The following SLC25A29 variants were observed in gnomAD, a reference collection of about 807,000 sequenced individuals.
SLC25A29 encodes solute carrier family 25 member 29.
Under a neutral mutation model 10.0 loss-of-function variants are expected in SLC25A29, and 13 were observed. That is an observed-to-expected ratio of 1.30 (90% confidence interval 0.85 to 2.07). The LOEUF is 2.07. Ranked by LOEUF, SLC25A29 falls within the 30% of genes most tolerant of loss-of-function variation. The pLI is 0.00. For synonymous variants in SLC25A29, 244 were observed against 221.1 expected (o/e 1.10, Z -0.92); for missense variants, 475 against 447.6 (o/e 1.06, Z -0.55).
intron 2 of SLC25A29, 161 bp from the exon 3 acceptor site, chr14:100,293,538 A>G (rs558189299): frequency 6.8e-5 from 42 of 618,910 alleles, no homozygotes; most frequent in Non-Finnish European, 1.2e-4. Context: ...CCGGGTATCT[A>G]TGCCTTCTCA....
chr14:100,295,498 C>A, intron 2 of SLC25A29: 1 of 1,115,810 alleles, frequency 9.0e-7, no homozygotes, highest in Non-Finnish European at 1.2e-6. Context: ...ACCCCAGGAC[C>A]TGTGCTGAGC....
chr14:100,285,304 C>T, the SLC25A29 span, among the ~76,000 whole-genome samples: 1 of 147,714 alleles, frequency 6.8e-6, no homozygotes, highest in Admixed American at 6.7e-5. Flanking sequence ...CCCTTCCCTG[C>T]CACCCTGCAG....
At position 100,292,432 on chromosome 14, in the gene SLC25A29, G is replaced by A; in HGVS notation, c.763C>T (p.Leu255=). Residue 255 remains leucine (L), a synonymous_variant, in exon 4 of 4, where the codon CTG becomes TTG. Transcript: ENST00000359232. ...RVFTRGLAST[L]LRAFPVNAAT... ...GCGTTGACGGGGAAGGCGCGCAGCA[G>A]CGTGGACGCCAGCCCCCGTGTGAAG... 2 of 1,579,458 alleles carry A rather than the reference G, an allele frequency of 1.3e-6. No individual in the cohort carries two copies. The highest frequency in any genetic ancestry group is 1.7e-6 in the Non-Finnish European group (2 of 1,165,240).
At chr14:100,290,014 A>G (rs1891629130), downstream of SLC25A29, among the ~76,000 whole-genome samples, 1 of 151,724 alleles carries the variant, frequency 6.6e-6, no homozygotes, top group Admixed American at 6.6e-5. Flanking sequence ...TTGCCGCACC[A>G]CTCCTCACTT....
chr14:100,303,161 A>G (rs1352204541), intron 1 of SLC25A29, among the ~76,000 whole-genome samples: 2 of 152,170 alleles, frequency 1.3e-5, no homozygotes, highest in Non-Finnish European at 2.9e-5. Flanking sequence ...TTTCCACTTC[A>G]GCTTTTTAAT....
the SLC25A29 span, chr14:100,281,113 C>T: frequency 1.3e-5 from 2 of 150,426 alleles, no homozygotes; most frequent in African/African-American, 4.9e-5. Flanking sequence ...CTACCCACCT[C>T]CCCCCACCCC....
At position 100,298,463 on chromosome 14, in the gene SLC25A29, C is replaced by G. The variant is rs552859313; in HGVS notation, c.78+379G>C. 222 of 322,350 alleles carry G rather than the reference C, an allele frequency of 6.9e-4. No homozygotes were observed. In the Middle Eastern group the frequency reaches 8.8e-3, roughly 13 times the overall value. 20.0% of individuals were successfully genotyped at this position (322,350 alleles called of 1,614,324 possible). Reference sequence around the variant, plus strand: ...TTCTCTGTAAGGATGATCACCACTCCGTGAAGATCATGTTCATGGGAGATA... The same window carrying G: ...TTCTCTGTAAGGATGATCACCACTCGGTGAAGATCATGTTCATGGGAGATA... On this transcript the variant is annotated intron_variant, in intron 2 of 3. Transcript: ENST00000359232.
downstream of SLC25A29, among the ~76,000 whole-genome samples, chr14:100,288,417 G>T: frequency 6.9e-6 from 1 of 144,264 alleles, no homozygotes. Context: ...GACAGTTTGG[G>T]AAGCTGTTTT....
the SLC25A29 span, among the ~76,000 whole-genome samples, chr14:100,286,050 C>A: frequency 6.6e-6 from 1 of 152,128 alleles, no homozygotes; most frequent in African/African-American, 2.4e-5. Context: ...CCACTCCGGC[C>A]GCCCCAGCCC....
intron 2 of SLC25A29, chr14:100,295,711 T>TA: frequency 2.3e-6 from 3 of 1,289,332 alleles, no homozygotes; most frequent in Non-Finnish European, 2.0e-6. Context: ...GCTCAGAAAG[T>TA]AAAGGCGGTT....
downstream of SLC25A29, among the ~76,000 whole-genome samples, chr14:100,289,238 G>T (rs1209925899): frequency 6.6e-6 from 1 of 152,214 alleles, no homozygotes; most frequent in Non-Finnish European, 1.5e-5. Context: ...CACAGTGTGT[G>T]GTGTTTTGTT....
At chr14:100,279,464 A>T in the SLC25A29 span, 20 of 152,252 alleles carry the variant, frequency 1.3e-4, no homozygotes, top group Middle Eastern at 6.8e-3. Context: ...TTAACTTGAG[A>T]CCCTTTAAAA....
At chr14:100,305,499 C>A (rs1892863156) in intron 1 of SLC25A29, 2 of 152,190 alleles carry the variant, frequency 1.3e-5, no homozygotes, top group Admixed American at 1.3e-4. Flanking sequence ...CCGACGCCCA[C>A]GGTCGGGGCA....
the SLC25A29 span, among the ~76,000 whole-genome samples, chr14:100,285,936 T>C: frequency 6.6e-6 from 1 of 152,082 alleles, no homozygotes; most frequent in Admixed American, 6.5e-5. Flanking sequence ...CAAAGGGACG[T>C]CCTGGAGCCC....
the SLC25A29 span, among the ~76,000 whole-genome samples, chr14:100,285,092 A>G: frequency 3.3e-5 from 5 of 151,180 alleles, no homozygotes; most frequent in Non-Finnish European, 5.9e-5. Context: ...AGGAGGCAGG[A>G]CGGGGTCTGA....
intron 2 of SLC25A29, chr14:100,294,700 C>G (rs1010789799): frequency 3.3e-5 from 5 of 152,204 alleles, no homozygotes; most frequent in African/African-American, 1.2e-4. Flanking sequence ...GAGCCCTCAC[C>G]GGGAACAGCC....
chr14:100,282,044 G>C, the SLC25A29 span: 1 of 152,244 alleles, frequency 6.6e-6, no homozygotes, highest in Non-Finnish European at 1.5e-5. Context: ...GAGCGTTTAA[G>C]CTGAGCGTTA....
At chr14:100,302,450 C>T (rs1191399139) in intron 1 of SLC25A29, among the ~76,000 whole-genome samples, 1 of 151,424 alleles carries the variant, frequency 6.6e-6, no homozygotes, top group African/African-American at 2.4e-5. Flanking sequence ...ACCTCTGTCT[C>T]CCGGGTTTAA....
intron 1 of SLC25A29, among the ~76,000 whole-genome samples, chr14:100,303,909 C>G (rs190874662): frequency 2.5e-4 from 38 of 152,288 alleles, no homozygotes; most frequent in Non-Finnish European, 1.9e-4. Context: ...CTGAGCTTTT[C>G]TCTCTGCGCC....
Sources: allele counts gnomAD v4.1 joint callset (sites outside exome capture counted in the v4.1 genomes callset), GRCh38; gene constraint gnomAD v4.1.1; transcripts MANE v1.5; gene names NCBI Gene and HGNC (gene_info 2026-07-23, HGNC 2026-07-21).